Variants in MAPK10 observed in about 807,000 individuals in gnomAD.
MAPK10 encodes the protein mitogen-activated protein kinase 10.
In MAPK10, 25 loss-of-function variants were observed where a neutral mutation model predicts 59.3. That is an observed-to-expected ratio of 0.42 (90% CI 0.31 to 0.59). The LOEUF (loss-of-function observed/expected upper bound fraction) is 0.59. Ranked by LOEUF, MAPK10 falls within the 20% of genes least tolerant of loss-of-function variation. The pLI is 0.15. For synonymous variants in MAPK10, 190 were observed against 200.5 expected (o/e 0.95, Z 0.44); for missense variants, 351 against 568.9 (o/e 0.62, Z 3.90).
intron 1 of MAPK10, among the ~76,000 whole-genome samples, chr4:86,437,086 C>A (rs977180297): frequency 1.3e-5 from 2 of 151,888 alleles, no homozygotes; most frequent in Non-Finnish European, 2.9e-5. Context: ...TGGTGGCAGG[C>A]ACCTGTAGTC....
chr4:86,336,546 A>G (rs1721478581), intron 2 of MAPK10: 1 of 152,174 alleles, frequency 6.6e-6, no homozygotes, highest in Non-Finnish European at 1.5e-5. Context: ...GAGGGAGAAT[A>G]CAAGCCTAGG....
intron 1 of MAPK10, among the ~76,000 whole-genome samples, chr4:86,565,060 C>A (rs1055177337): frequency 6.6e-6 from 1 of 152,106 alleles, no homozygotes; most frequent in African/African-American, 2.4e-5. Flanking sequence ...CAGCTGGGTG[C>A]AAATGTGGCA....
intron 2 of MAPK10, among the ~76,000 whole-genome samples, chr4:86,261,781 G>A (rs1040523957): frequency 6.6e-6 from 1 of 152,360 alleles, no homozygotes; most frequent in Non-Finnish European, 1.5e-5. Context: ...TGTGGGACAT[G>A]TGGTTTTTAA....
chr4:86,214,696 T>C (rs1048248068), intron 2 of MAPK10, among the ~76,000 whole-genome samples: 3 of 151,950 alleles, frequency 2.0e-5, no homozygotes, highest in Non-Finnish European at 4.4e-5. Context: ...TACTTAGGAA[T>C]TGACTTAACC....
chr4:86,157,327 A>C (rs977924986), intron 4 of MAPK10, among the ~76,000 whole-genome samples: 1 of 152,000 alleles, frequency 6.6e-6, no homozygotes, highest in Non-Finnish European at 1.5e-5. Flanking sequence ...TTGCATACAC[A>C]TGCAAAATTA....
intron 1 of MAPK10, among the ~76,000 whole-genome samples, chr4:86,479,978 T>C (rs1262127879): frequency 6.6e-6 from 1 of 151,930 alleles, no homozygotes; most frequent in Non-Finnish European, 1.5e-5. Flanking sequence ...CCATTATCTC[T>C]CCATACCACC....
intron 2 of MAPK10, among the ~76,000 whole-genome samples, chr4:86,318,788 T>C (rs1447335148): frequency 6.6e-6 from 1 of 152,162 alleles, no homozygotes; most frequent in African/African-American, 2.4e-5. Context: ...TAATTTATAT[T>C]AGGCTGGCAG....
At chr4:86,501,658 T>C (rs968875115) in intron 1 of MAPK10, among the ~76,000 whole-genome samples, 4 of 151,330 alleles carry the variant, frequency 2.6e-5, no homozygotes, top group Admixed American at 2.6e-4. Context: ...AAACATGCAT[T>C]TGTATGCATG....
chr4:86,582,036 A>T (rs1158204669), intron 1 of MAPK10, among the ~76,000 whole-genome samples: 1 of 150,112 alleles, frequency 6.7e-6, no homozygotes, highest in East Asian at 2.0e-4. Context: ...ATCATTTATC[A>T]GGTGCCAAGT....
At chr4:86,276,464 A>C (rs1312760701) in intron 2 of MAPK10, among the ~76,000 whole-genome samples, 1 of 152,162 alleles carries the variant, frequency 6.6e-6, no homozygotes, top group African/African-American at 2.4e-5. Context: ...TTTAAAAAAA[A>C]GATACATGCT....
intron 1 of MAPK10, among the ~76,000 whole-genome samples, chr4:86,577,508 T>A (rs1761988737): frequency 6.6e-6 from 1 of 151,560 alleles, no homozygotes; most frequent in Non-Finnish European, 1.5e-5. Flanking sequence ...CATATTAGAG[T>A]AGGAGAATGC....
chr4:86,376,864 G>C (rs1291430167), intron 1 of MAPK10, among the ~76,000 whole-genome samples: 1 of 152,160 alleles, frequency 6.6e-6, no homozygotes, highest in Non-Finnish European at 1.5e-5. Flanking sequence ...AACCACTAAA[G>C]AGAAATTTAT....
intron 5 of MAPK10, among the ~76,000 whole-genome samples, chr4:86,106,263 C>T (rs1021948278): frequency 9.9e-5 from 15 of 152,140 alleles, no homozygotes; most frequent in African/African-American, 3.4e-4. Flanking sequence ...AGCATTAGGA[C>T]AAGATCCCTG....
At chr4:86,177,552 G>C (rs1367891815) in intron 3 of MAPK10, among the ~76,000 whole-genome samples, 1 of 152,026 alleles carries the variant, frequency 6.6e-6, no homozygotes, top group Non-Finnish European at 1.5e-5. Flanking sequence ...AATCAAGAGA[G>C]CTGTTTTTAA....
chr4:86,260,421 G>T lies in MAPK10; in HGVS notation c.-6-66014C>A, dbSNP rs975335129. On this transcript the variant is annotated intron_variant, in intron 2 of 13. Coordinates refer to ENST00000641462, the MANE Select transcript of MAPK10 (RefSeq NM_138982.4). ...GGTTTCTTTCTTTAGGATTTGTACTGCATCACTCTCTAAATAAATTTGAGA... is the reference window on the plus strand; with the variant it reads ...GGTTTCTTTCTTTAGGATTTGTACTTCATCACTCTCTAAATAAATTTGAGA... Among the ~76,000 whole-genome samples the T allele has an allele frequency of 2.0e-5, 3 of 152,024 alleles. No individual in the cohort carries two copies. In the East Asian group the frequency reaches 5.8e-4, roughly 29 times the overall value.
chr4:86,256,351 A>C (rs574617508), intron 2 of MAPK10, among the ~76,000 whole-genome samples: 1 of 152,334 alleles, frequency 6.6e-6, no homozygotes, highest in South Asian at 2.1e-4. Context: ...AAACCTACAG[A>C]GTTATAGCTA....
At chr4:86,387,615 G>T (rs528295646) in intron 1 of MAPK10, among the ~76,000 whole-genome samples, 14 of 152,106 alleles carry the variant, frequency 9.2e-5, no homozygotes, top group Non-Finnish European at 1.5e-4. Context: ...TTCAATGTCT[G>T]TACATTATTC....
chr4:86,540,862 C>A (rs542932123), intron 1 of MAPK10, among the ~76,000 whole-genome samples: 1 of 151,312 alleles, frequency 6.6e-6, no homozygotes, highest in Non-Finnish European at 1.5e-5. Flanking sequence ...CAGCACTTTG[C>A]GAGGCTGAGG....
intron 2 of MAPK10, among the ~76,000 whole-genome samples, chr4:86,301,929 A>C (rs1478123364): frequency 6.6e-6 from 1 of 152,088 alleles, no homozygotes; most frequent in Non-Finnish European, 1.5e-5. Flanking sequence ...CGAATGCTTT[A>C]CTTTTTTTCT....
Sources: gnomAD v4.1 joint callset for allele counts (sites outside exome capture counted in the v4.1 genomes callset) on GRCh38, gnomAD v4.1.1 for gene constraint, MANE v1.5 for transcripts, NCBI Gene and HGNC (gene_info 2026-07-23, HGNC 2026-07-21) for gene names.